Variants in EPB41 observed in about 807,000 individuals in gnomAD.
The protein encoded by EPB41 is erythrocyte membrane protein band 4.1, also known as protein 4.1.
Under a neutral mutation model 108.0 loss-of-function variants are expected in EPB41, and 65 were observed. That is an observed-to-expected ratio of 0.60 (90% CI 0.49 to 0.74). The LOEUF (loss-of-function observed/expected upper bound fraction) is 0.74. Among genes scored for constraint, EPB41 ranks in the 30% least tolerant of loss-of-function variants. The pLI is 0.00. For synonymous variants in EPB41, 336 were observed against 358.9 expected, an observed-to-expected ratio of 0.94 and a Z score of 0.72; for missense variants, 875 against 1,037.0, an observed-to-expected ratio of 0.84 and a Z score of 2.15.
chr1:29,100,928 CAA>C (rs904517200), intron 17 of EPB41, among the ~76,000 whole-genome samples: 7 of 138,090 alleles, frequency 5.1e-5, no homozygotes, highest in Admixed American at 7.3e-5. Flanking sequence ...GACCCTGTCT[CAA>C]AAAAAAAAAG....
intron 15 of EPB41, 136 bp from the exon 16 acceptor site, chr1:29,064,846 T>A: frequency 9.1e-7 from 1 of 1,098,142 alleles, no homozygotes; most frequent in East Asian, 2.6e-5. Context: ...ATATTTATAA[T>A]CTGAATGCAG....
At chr1:29,064,813 G>A (rs1487829976) in intron 15 of EPB41, 169 bp from the exon 16 acceptor site, 19 of 815,066 alleles carry the variant, frequency 2.3e-5, no homozygotes, top group South Asian at 9.4e-5. Context: ...AGAAAAAAAA[G>A]GCAAGCAAAT....
chr1:28,923,265 T>A (rs771372616), intron 1 of EPB41, among the ~76,000 whole-genome samples: 1 of 151,694 alleles, frequency 6.6e-6, no homozygotes, highest in Non-Finnish European at 1.5e-5. Context: ...CTGGCTAATT[T>A]TTGTATTTTA....
intron 11 of EPB41, among the ~76,000 whole-genome samples, chr1:29,051,057 G>A (rs990134120): frequency 4.9e-5 from 7 of 142,624 alleles, no homozygotes; most frequent in Non-Finnish European, 9.1e-5. Context: ...TTATGACAGA[G>A]TAATGAGCAT....
chr1:28,956,092 A>T (rs1452708080), intron 1 of EPB41, among the ~76,000 whole-genome samples: 2 of 152,238 alleles, frequency 1.3e-5, no homozygotes, highest in African/African-American at 4.8e-5. Context: ...ATCAATCTGC[A>T]GTCAGTGCTG....
intron 5 of EPB41, among the ~76,000 whole-genome samples, chr1:29,013,139 A>G (rs1453306166): frequency 2.0e-5 from 3 of 152,254 alleles, no homozygotes; most frequent in South Asian, 2.1e-4. Context: ...ATCCTGGCCA[A>G]CATGGTGAAA....
chr1:28,934,666 T>TTTG (rs1553174370), intron 1 of EPB41, among the ~76,000 whole-genome samples: 5,485 of 136,382 alleles, frequency 0.04, 125 homozygotes, highest in East Asian at 0.065. Flanking sequence ...TCTTTTGACA[T>TTTG]TGTGTGTGTG....
intron 7 of EPB41, among the ~76,000 whole-genome samples, chr1:29,025,786 C>CA (rs2096710895): frequency 6.6e-6 from 1 of 151,666 alleles, no homozygotes; most frequent in South Asian, 2.1e-4. Flanking sequence ...GTCATCCATG[C>CA]AGAGGGGCAG....
intron 1 of EPB41, among the ~76,000 whole-genome samples, chr1:28,907,148 T>C (rs1437445012): frequency 6.6e-6 from 1 of 151,658 alleles, no homozygotes; most frequent in Non-Finnish European, 1.5e-5. Flanking sequence ...CACTGCAACG[T>C]CCGCCTCCTG....
rs1459462024 is a variant in EPB41, at chr1:28,991,541, A to C, written c.469-1789A>C. ...CAACATGGAGAAACACCATCTCTAC[A>C]AAAAAGTAAAAAACTAGCTAGGCAT... On this transcript the variant is annotated intron_variant, in intron 2 of 20. Transcript: ENST00000343067. 2.0e-5 allele frequency among the ~76,000 whole-genome samples: 3 copies of C among 151,744 alleles called. No homozygotes were observed. The East Asian group carries it at 5.8e-4, about 29-fold the overall frequency.
At chr1:29,070,494 A>T in intron 16 of EPB41, 2 of 1,232,162 alleles carry the variant, frequency 1.6e-6, no homozygotes, top group Non-Finnish European at 2.0e-6. Context: ...ATCCCTGAGG[A>T]TCACAAGTCT....
chr1:29,070,398 A>C, intron 16 of EPB41: 1 of 1,232,164 alleles, frequency 8.1e-7, no homozygotes, highest in Non-Finnish European at 1.0e-6. Flanking sequence ...CAGGATGAAG[A>C]GAAAATTAAA....
intron 4 of EPB41, among the ~76,000 whole-genome samples, chr1:29,000,891 A>G (rs905204137): frequency 9.2e-5 from 14 of 152,116 alleles, no homozygotes; most frequent in Admixed American, 7.2e-4. Flanking sequence ...TCTAAGAAGC[A>G]GAGCATGGAA....
At chr1:29,013,589 T>C (rs112987636) in intron 5 of EPB41, among the ~76,000 whole-genome samples, 7,421 of 152,194 alleles carry the variant, frequency 0.049, 227 homozygotes, top group Non-Finnish European at 0.073. Flanking sequence ...TACAATGGTG[T>C]GATTTCGGCT....
At chr1:29,082,316 G>T (rs1164265702) in intron 16 of EPB41, among the ~76,000 whole-genome samples, 2 of 152,114 alleles carry the variant, frequency 1.3e-5, no homozygotes, top group Non-Finnish European at 2.9e-5. Context: ...TAGAGATGGG[G>T]TTTCACCAGG....
intron 17 of EPB41, among the ~76,000 whole-genome samples, 161 bp downstream of exon 17, chr1:29,098,096 T>C (rs1663867570): frequency 1.3e-5 from 2 of 152,204 alleles, no homozygotes; most frequent in African/African-American, 2.4e-5. Context: ...GACTACTTTA[T>C]CTAAAGCAAA....
chr1:29,002,231 A>T (rs2096307792), intron 4 of EPB41, among the ~76,000 whole-genome samples: 1 of 152,080 alleles, frequency 6.6e-6, no homozygotes, highest in Non-Finnish European at 1.5e-5. Context: ...GGGATGTAGA[A>T]GCAAGTGGAT....
At chr1:29,089,879 A>G (rs1050187413) in intron 16 of EPB41, among the ~76,000 whole-genome samples, 6 of 152,148 alleles carry the variant, frequency 3.9e-5, no homozygotes, top group African/African-American at 1.4e-4. Flanking sequence ...GGACACGTTC[A>G]AGGAAGGTTT....
intron 3 of EPB41, among the ~76,000 whole-genome samples, chr1:28,994,491 A>C (rs979881759): frequency 1.3e-5 from 2 of 151,982 alleles, no homozygotes; most frequent in Non-Finnish European, 2.9e-5. Flanking sequence ...GAAATTTTAA[A>C]AAAATCTACT....
Sources: gnomAD v4.1 joint callset for allele counts (sites outside exome capture counted in the v4.1 genomes callset) on GRCh38, gnomAD v4.1.1 for gene constraint, MANE v1.5 for transcripts, NCBI Gene and HGNC (gene_info 2026-07-23, HGNC 2026-07-21) for gene names.